The following ARHGAP23 variants were observed in gnomAD, a reference collection of about 807,000 sequenced individuals.
ARHGAP23 encodes rho GTPase-activating protein 23.
In ARHGAP23, 34 loss-of-function variants were observed where a neutral mutation model predicts 136.3. The ratio of observed to expected loss-of-function variants is 0.25; its 90% CI spans 0.19 to 0.33. The LOEUF (loss-of-function observed/expected upper bound fraction) is 0.33, where lower values mean the gene tolerates loss of function less well. Among genes scored for constraint, ARHGAP23 ranks in the 10% least tolerant of loss-of-function variants. The pLI is 1.00. For synonymous variants in ARHGAP23, 832 were observed against 920.5 expected, an observed-to-expected ratio of 0.90 and a Z score of 1.74; for missense variants, 1,808 against 2,139.0, an observed-to-expected ratio of 0.85 and a Z score of 3.05.
chr17:38,443,803 G>A (rs954017500), intron 1 of ARHGAP23, among the ~76,000 whole-genome samples: 1 of 152,176 alleles, frequency 6.6e-6, no homozygotes, highest in Non-Finnish European at 1.5e-5. Flanking sequence ...AGGGGACATG[G>A]TCTTAGCTTG....
intron 20 of ARHGAP23, among the ~76,000 whole-genome samples, chr17:38,494,201 G>A (rs1216608337): frequency 6.6e-6 from 1 of 152,180 alleles, no homozygotes; most frequent in Non-Finnish European, 1.5e-5. Flanking sequence ...TGTGGCCTTG[G>A]ACAAGTTCCT....
chr17:38,476,886 AACT>A (rs2039905092), intron 11 of ARHGAP23, among the ~76,000 whole-genome samples: 1 of 152,100 alleles, frequency 6.6e-6, no homozygotes, highest in Non-Finnish European at 1.5e-5. Context: ...CTGGCTGTTT[AACT>A]ACAGGTGTAG....
intron 23 of ARHGAP23, among the ~76,000 whole-genome samples, chr17:38,508,320 G>A (rs748943298): frequency 3.3e-4 from 50 of 152,192 alleles, no homozygotes; most frequent in Non-Finnish European, 6.3e-4. Context: ...GACATTAAGG[G>A]CTGGCAGCAA....
chr17:38,479,179 G>A (rs1883328217), intron 12 of ARHGAP23, among the ~76,000 whole-genome samples: 1 of 152,200 alleles, frequency 6.6e-6, no homozygotes, highest in Admixed American at 6.5e-5. Context: ...GCATGATTCT[G>A]CACCCGGCCC....
intron 1 of ARHGAP23, among the ~76,000 whole-genome samples, chr17:38,433,647 A>G (rs1276034863): frequency 6.6e-6 from 1 of 152,156 alleles, no homozygotes; most frequent in Non-Finnish European, 1.5e-5. Context: ...GGTGAATCCT[A>G]CTTCCTACTG....
intron 17 of ARHGAP23, among the ~76,000 whole-genome samples, chr17:38,489,334 C>T (rs1288146904): frequency 6.6e-6 from 1 of 152,148 alleles, no homozygotes; most frequent in Non-Finnish European, 1.5e-5. Context: ...CGTGTGATTG[C>T]ATTTGTGTAT....
chr17:38,481,036 A>C (rs1294733774), intron 14 of ARHGAP23, among the ~76,000 whole-genome samples: 1 of 151,602 alleles, frequency 6.6e-6, no homozygotes, highest in African/African-American at 2.4e-5. Flanking sequence ...CTCAGGCTGG[A>C]GTGATCTCAG....
intron 17 of ARHGAP23, among the ~76,000 whole-genome samples, chr17:38,487,235 C>T (rs2040180337): frequency 6.6e-6 from 1 of 152,194 alleles, no homozygotes; most frequent in South Asian, 2.1e-4. Flanking sequence ...AGAGCTCTAC[C>T]TCATTCTTCT....
chr17:38,467,539 A>G (rs1430364097), intron 7 of ARHGAP23, among the ~76,000 whole-genome samples: 2 of 151,494 alleles, frequency 1.3e-5, no homozygotes, highest in Non-Finnish European at 2.9e-5. Context: ...CCTTTCTTCC[A>G]TCCTACCTCT....
intron 2 of ARHGAP23, 113 bp downstream of exon 2, chr17:38,458,376 C>A: frequency 7.3e-7 from 1 of 1,368,718 alleles, no homozygotes; most frequent in Non-Finnish European, 9.6e-7. Flanking sequence ...GCAGTCCTTC[C>A]TGGGGTCCGG....
At chr17:38,452,563 G>A (rs1301035473) in intron 1 of ARHGAP23, 1 of 152,250 alleles carries the variant, frequency 6.6e-6, no homozygotes, top group Non-Finnish European at 1.5e-5. Flanking sequence ...AGAGGCCCTG[G>A]GGTTGGAGTC....
intron 20 of ARHGAP23, among the ~76,000 whole-genome samples, chr17:38,495,007 A>G (rs1015451106): frequency 6.6e-6 from 1 of 152,170 alleles, no homozygotes; most frequent in Non-Finnish European, 1.5e-5. Context: ...TGGAAGCCAC[A>G]CTTTTGAATA....
chr17:38,419,580 TCA>T (rs60358190), intron 1 of ARHGAP23, among the ~76,000 whole-genome samples: 46,233 of 142,714 alleles, frequency 0.32, 7,402 homozygotes, highest in Admixed American at 0.44. Context: ...GACACAGAGC[TCA>T]CACACACACA....
chr17:38,495,231 T>TC (rs1567823926), intron 20 of ARHGAP23, among the ~76,000 whole-genome samples: 2 of 1,672 alleles, frequency 1.2e-3, no homozygotes, highest in African/African-American at 1.1e-3. Flanking sequence ...TCTTTTTCTT[T>TC]TTTTTTTTTT....
intron 23 of ARHGAP23, among the ~76,000 whole-genome samples, chr17:38,501,859 ATTTAC>A (rs923121461): frequency 6.6e-5 from 10 of 151,272 alleles, no homozygotes; most frequent in Non-Finnish European, 1.3e-4. Flanking sequence ...TTTTTAAACA[ATTTAC>A]TTTAATAATT....
At position 38,467,178 on chromosome 17, in the gene ARHGAP23, C is replaced by T. The variant is rs1244472431; in HGVS notation, c.1495C>T (p.Arg499Cys). The change falls in exon 7 of 24, where the codon CGC (arginine) becomes TGC (cysteine). Residue 499 changes from arginine (R) to cysteine (C), a missense_variant. Physicochemically the swap from Arg to Cys is radical, Grantham distance 180 (BLOSUM62 -3). Coordinates refer to ENST00000622683, the MANE Select transcript of ARHGAP23 (RefSeq NM_001199417.2). ...VVLRQKPPTG[R>C]KVQLTPARQM... The stretch of plus-strand genomic sequence containing the variant: ...CCTGAGGCAGAAGCCCCCGACGGGC[C>T]GCAAGGTTCAGCTGACCCCCGCAAG... The T allele has an allele frequency of 1.4e-5, 21 of 1,550,022 alleles. No individual in the cohort carries two copies. The highest frequency in any genetic ancestry group is 6.0e-5 in the South Asian group (5 of 84,016).
rs972448826 is a variant in ARHGAP23 at position 38,458,009 on chromosome 17, G to T, written c.64-93G>T. Reference sequence around the variant, plus strand: ...CCTAGGGCGAAAGACCCCTTCTGGTGCCCCTCCGGTCCTGTGGGCTGCAGG... The same window carrying T: ...CCTAGGGCGAAAGACCCCTTCTGGTTCCCCTCCGGTCCTGTGGGCTGCAGG... On this transcript the variant is annotated intron_variant, in intron 1 of 23. Coordinates refer to ENST00000622683, the MANE Select transcript of ARHGAP23 (RefSeq NM_001199417.2). 2.8e-5 allele frequency: 41 copies of T among 1,449,452 alleles called. 1 individual carries two copies. The East Asian group carries it at 1.0e-3, about 36-fold the overall frequency. 89.8% of individuals were successfully genotyped at this position (1,449,452 alleles called of 1,614,324 possible).
chr17:38,510,553 G>A lies in ARHGAP23; in HGVS notation c.4057G>A (p.Glu1353Lys). The change falls in exon 24 of 24, where the codon GAG becomes AAG. Residue 1353 changes from glutamate to lysine, a missense_variant. Glu to Lys is a moderately conservative substitution (Grantham distance 56). This residue lies in a region of ARHGAP23 where 506 missense variants were observed against 455.8 expected (regional missense o/e 1.11). Coordinates refer to ENST00000622683, the MANE Select transcript of ARHGAP23 (RefSeq NM_001199417.2). The surrounding 1 kb of genome is among the most constrained non-coding windows in gnomAD (Gnocchi z 4.6). ...CGGCTCGGCGTCGTCCAGCAGCCAG[G>A]AGTCGCTGCGGCCCCCGGCGGCGGC... The part of the protein sequence containing the change: ...PPGSASSSSQ[E>K]SLRPPAAALA... 1 of 1,218,342 alleles carries A rather than the reference G, an allele frequency of 8.2e-7. No homozygotes were observed. Among genetic ancestry groups the A allele is most frequent in the Non-Finnish European group, 1.0e-6 (1 of 979,354 alleles). 75.5% of individuals were successfully genotyped at this position (1,218,342 alleles called of 1,614,324 possible). A position where few individuals can be genotyped will look rare whatever the true frequency, so the allele number is the denominator to read the frequency against.
At chr17:38,471,734 G>T (rs1299889309) in intron 10 of ARHGAP23, 129 bp from the exon 11 acceptor site, 5 of 1,086,618 alleles carry the variant, frequency 4.6e-6, no homozygotes, top group Non-Finnish European at 5.2e-6. Context: ...TGCCCATGAG[G>T]TCGCACAGCA....
Sources: allele counts gnomAD v4.1 joint callset (sites outside exome capture counted in the v4.1 genomes callset), GRCh38; gene constraint gnomAD v4.1.1; regional missense constraint gnomAD v4.1.1; non-coding constraint Gnocchi (gnomAD v3.1); transcripts MANE v1.5; gene names NCBI Gene and HGNC (gene_info 2026-07-23, HGNC 2026-07-21).